RPH3AL: variants seen among roughly 807,000 people sequenced by gnomAD.
RPH3AL encodes the protein rabphilin 3A like (without C2 domains), also known as rab effector Noc2.
Under a neutral mutation model 43.1 loss-of-function variants are expected in RPH3AL, and 38 were observed. That is an observed-to-expected ratio of 0.88 (90% CI 0.68 to 1.15). RPH3AL has a LOEUF of 1.15. RPH3AL is among the 50% of genes most tolerant of loss of function. RPH3AL has a pLI of 0.00. For missense variants in RPH3AL, 462 were observed against 423.2 expected, an observed-to-expected ratio of 1.09 and a Z score of -0.81; for synonymous variants, 189 against 176.3, an observed-to-expected ratio of 1.07 and a Z score of -0.57.
chr17:301,788 A>G (rs1378965873), intron 5 of RPH3AL, among the ~76,000 whole-genome samples: 1 of 152,152 alleles, frequency 6.6e-6, no homozygotes, highest in Admixed American at 6.5e-5. Flanking sequence ...CCTGTAGGCA[A>G]AGTTCTGACC....
intron 6 of RPH3AL, among the ~76,000 whole-genome samples, chr17:259,509 G>C (rs9907635): frequency 0.21 from 32,536 of 151,904 alleles, 3,505 homozygotes; most frequent in African/African-American, 0.24. Flanking sequence ...ACCCCTCCCC[G>C]CCCAGGAATA....
At chr17:317,039 C>G (rs1291933913) in intron 5 of RPH3AL, among the ~76,000 whole-genome samples, 1 of 145,812 alleles carries the variant, frequency 6.9e-6, no homozygotes, top group East Asian at 2.1e-4. Flanking sequence ...CCTCCACTGA[C>G]CTGTAGTCTC....
In RPH3AL at chr17:289,014, A is replaced by AC. The variant is rs1211351936; in HGVS notation, c.352-7161dup. On this transcript the variant is annotated intron_variant, in intron 5 of 9. Transcript: ENST00000331302. The surrounding 1 kb of genome is among the most constrained non-coding windows in gnomAD (Gnocchi z 5.2). ...TTGCAAAGAAATGTATATTCTCTCT[A>AC]CCCCCAAGAACACAGGGGAGGGGGT... 2.6e-5 allele frequency among the ~76,000 whole-genome samples: 4 copies of AC among 151,760 alleles called. No individual in the cohort carries two copies. The highest frequency in any genetic ancestry group is 9.7e-5 in the African/African-American group (4 of 41,276).
intron 7 of RPH3AL, among the ~76,000 whole-genome samples, chr17:226,766 C>T (rs2041116463): frequency 6.6e-6 from 1 of 152,244 alleles, no homozygotes. Flanking sequence ...CCACCTTTCT[C>T]CCTGCATAGC....
intron 5 of RPH3AL, among the ~76,000 whole-genome samples, chr17:301,692 G>T (rs773556881): frequency 1.3e-5 from 2 of 152,032 alleles, no homozygotes; most frequent in African/African-American, 2.4e-5. Flanking sequence ...TCCTACCTCG[G>T]CCTCCCAAAG....
rs549377359 is a variant in RPH3AL, at chr17:321,215, C to T, written c.221+57G>A. ...GGAGTGCCGGCCTCCCAGTCCCCTG[C>T]GCTTGCGCCAAAGCCCTTGCTGTCC... On this transcript the variant is annotated intron_variant, in intron 4 of 9. Transcript: ENST00000331302. 8.2e-5 allele frequency: 129 copies of T among 1,568,644 alleles called. 3 individuals are homozygous for T. The South Asian group carries it at 8.6e-4, about 10-fold the overall frequency.
At position 274,916 on chromosome 17, in the gene RPH3AL, G is replaced by A. The variant is rs182247117; in HGVS notation, c.438+6852C>T. 1.7e-3 allele frequency among the ~76,000 whole-genome samples: 260 copies of A among 152,258 alleles called. 1 individual carries two copies. Among genetic ancestry groups the A allele is most frequent in the Non-Finnish European group, 2.4e-3 (162 of 68,016 alleles). On this transcript the variant is annotated intron_variant, in intron 6 of 9. Coordinates refer to ENST00000331302, the MANE Select transcript of RPH3AL (RefSeq NM_006987.4). The surrounding 1 kb of genome is among the most constrained non-coding windows in gnomAD (Gnocchi z 4.7). ...ATAGAAAACCAAAAGAAGAAAAGGA[G>A]CAAAATAAAGGAAATAATGGAGGAC...
chr17:275,317 A>G (rs921252441), intron 6 of RPH3AL, among the ~76,000 whole-genome samples: 16 of 152,116 alleles, frequency 1.1e-4, no homozygotes, highest in African/African-American at 3.1e-4. Context: ...ATTTTTTACA[A>G]TGGGATATAG....
chr17:295,430 C>T (rs2043154445), intron 5 of RPH3AL, among the ~76,000 whole-genome samples: 1 of 106,284 alleles, frequency 9.4e-6, no homozygotes, highest in Non-Finnish European at 1.9e-5. Context: ...GAATGCACAT[C>T]AGTGTGGGAG....
chr17:268,553 GTT>G (rs5818749), intron 6 of RPH3AL, among the ~76,000 whole-genome samples: 318 of 74,490 alleles, frequency 4.3e-3, no homozygotes, highest in Middle Eastern at 0.02. Context: ...ATGTTTTTGG[GTT>G]TTTTTTTTTT....
At chr17:228,835 C>T (rs1209643072) in intron 7 of RPH3AL, among the ~76,000 whole-genome samples, 1 of 152,164 alleles carries the variant, frequency 6.6e-6, no homozygotes, top group Non-Finnish European at 1.5e-5. Flanking sequence ...CTTCTGTGCC[C>T]TCTCTGGACC....
intron 5 of RPH3AL, 108 bp downstream of exon 5, chr17:319,312 G>T: frequency 7.5e-7 from 1 of 1,326,786 alleles, no homozygotes; most frequent in Non-Finnish European, 1.0e-6. Context: ...GATACCACAT[G>T]CCCAACGCAG....
intron 7 of RPH3AL, among the ~76,000 whole-genome samples, chr17:233,451 C>T (rs1597894416): frequency 6.6e-6 from 1 of 152,172 alleles, no homozygotes; most frequent in South Asian, 2.1e-4. Context: ...GGGGGCTGGG[C>T]CTGTAAGCCC....
chr17:350,043 G>A (rs769649501), intron 1 of RPH3AL, among the ~76,000 whole-genome samples: 4 of 152,208 alleles, frequency 2.6e-5, no homozygotes, highest in African/African-American at 9.7e-5. Flanking sequence ...TTTCAGAGGT[G>A]TAGGTTTGCA....
chr17:279,075 G>T (rs2042722589), intron 6 of RPH3AL, among the ~76,000 whole-genome samples: 1 of 152,154 alleles, frequency 6.6e-6, no homozygotes, highest in Non-Finnish European at 1.5e-5. Context: ...GCTTTTGCGG[G>T]GAGACATAAC....
At chr17:314,640 AGTCCCTGTGACTCCACCTCCATTGAC>A in intron 5 of RPH3AL, among the ~76,000 whole-genome samples, 1 of 120,562 alleles carries the variant, frequency 8.3e-6, no homozygotes. Context: ...ATTGACCTGT[AGTCCCTGTGACTCCACCTCCATTGAC>A]CTGTAGTCTC....
chr17:276,479 C>A (rs1165506682), intron 6 of RPH3AL, among the ~76,000 whole-genome samples: 8 of 152,196 alleles, frequency 5.3e-5, no homozygotes, highest in African/African-American at 1.9e-4. Flanking sequence ...GCCACCTCCA[C>A]CCCCCGGGCA....
At chr17:275,006 TCAC>T (rs2042619523) in intron 6 of RPH3AL, among the ~76,000 whole-genome samples, 2 of 152,056 alleles carry the variant, frequency 1.3e-5, no homozygotes, top group African/African-American at 4.8e-5. Context: ...GCAGACGTGG[TCAC>T]GGAGAAAACA....
intron 1 of RPH3AL, among the ~76,000 whole-genome samples, chr17:346,900 C>G (rs1178226227): frequency 7.4e-6 from 1 of 135,394 alleles, no homozygotes; most frequent in Non-Finnish European, 1.7e-5. Flanking sequence ...CAGCCCAGAT[C>G]CAAAACACTG....
Sources: gnomAD v4.1 joint callset for allele counts (sites outside exome capture counted in the v4.1 genomes callset) on GRCh38, gnomAD v4.1.1 for gene constraint, Gnocchi (gnomAD v3.1) non-coding constraint, MANE v1.5 for transcripts, NCBI Gene and HGNC (gene_info 2026-07-23, HGNC 2026-07-21) for gene names.